SHPRH: variants seen among roughly 807,000 people sequenced by gnomAD.
The protein encoded by SHPRH is SNF2 histone linker PHD RING helicase.
A neutral mutation model predicts 202.5 loss-of-function variants in SHPRH; 106 were observed. The ratio of observed to expected loss-of-function variants is 0.52; its 90% CI spans 0.45 to 0.62. The LOEUF is 0.62. Ranked by LOEUF, SHPRH falls within the 20% of genes least tolerant of loss-of-function variation. The pLI is 0.00. For synonymous variants in SHPRH, 729 were observed against 686.0 expected (o/e 1.06, Z -0.98); for missense variants, 1,710 against 2,020.0 (o/e 0.85, Z 2.94).
At chr6:145,860,983 A>G (rs559964500), downstream of SHPRH, among the ~76,000 whole-genome samples, 1 of 152,224 alleles carries the variant, frequency 6.6e-6, no homozygotes, top group African/African-American at 2.4e-5. Context: ...ACAAAAATTA[A>G]CTCGAAATGG....
intron 1 of SHPRH, among the ~76,000 whole-genome samples, chr6:145,956,139 T>C (rs1265039267): frequency 2.0e-5 from 3 of 151,638 alleles, no homozygotes; most frequent in African/African-American, 7.3e-5. Context: ...AAACAAAGAC[T>C]GAAAAAACAA....
chr6:145,943,150 C>T lies in SHPRH; in HGVS notation c.2231G>A (p.Arg744Gln), dbSNP rs1786975907. The T allele has an allele frequency of 1.3e-6, 2 of 1,589,630 alleles. No individual in the cohort carries two copies. Among genetic ancestry groups the T allele is most frequent in the Non-Finnish European group, 1.7e-6 (2 of 1,166,558 alleles). Reference sequence around the variant, plus strand: ...TAGTCCAAGTGGCCTTACCAAGACTCGAAGAGATGACGACCTCACATGCCT... The same window carrying T: ...TAGTCCAAGTGGCCTTACCAAGACTTGAAGAGATGACGACCTCACATGCCT... ...INRHVRSSSL[R>Q]VLVYQGVKKD... The change falls in exon 9 of 30, where the codon CGA becomes CAA. Residue 744 changes from arginine to glutamine, a missense_variant. This residue lies in a region of SHPRH where 277 missense variants were observed against 363.0 expected (regional missense o/e 0.76). Coordinates refer to ENST00000275233, the MANE Select transcript of SHPRH (RefSeq NM_001042683.3).
intron 11 of SHPRH, chr6:145,935,765 G>A (rs1785998791): frequency 5.0e-6 from 1 of 200,874 alleles, no homozygotes; most frequent in Non-Finnish European, 1.0e-5. Context: ...TACTTGGTAA[G>A]ACATATATAA....
At chr6:145,932,296 A>T (rs1170887527) in intron 14 of SHPRH, among the ~76,000 whole-genome samples, 2 of 152,176 alleles carry the variant, frequency 1.3e-5, no homozygotes, top group Non-Finnish European at 2.9e-5. Flanking sequence ...AGAGTAACAG[A>T]CAATGGATTT....
chr6:145,921,695 A>G (rs1287060350), intron 20 of SHPRH, among the ~76,000 whole-genome samples: 1 of 152,066 alleles, frequency 6.6e-6, no homozygotes, highest in Non-Finnish European at 1.5e-5. Context: ...ATTTTAGAGA[A>G]GTTATATCTG....
chr6:145,938,102 CGT>C (rs1786314513), intron 11 of SHPRH, among the ~76,000 whole-genome samples: 1 of 152,100 alleles, frequency 6.6e-6, no homozygotes, highest in Admixed American at 6.5e-5. Context: ...CAAAAGTTCA[CGT>C]GTTAGAAGCT....
chr6:145,959,220 G>A (rs935612770), intron 1 of SHPRH, among the ~76,000 whole-genome samples: 3 of 152,080 alleles, frequency 2.0e-5, no homozygotes, highest in Non-Finnish European at 4.4e-5. Flanking sequence ...AATGTCCCAG[G>A]CCTTCACATT....
At chr6:145,879,765 T>A (rs896719089) in intron 2 of SHPRH, among the ~76,000 whole-genome samples, 1 of 151,468 alleles carries the variant, frequency 6.6e-6, no homozygotes, top group Non-Finnish European at 1.5e-5. Flanking sequence ...ACAAACATTA[T>A]CTGGGCATGG....
Position 145,943,251 on chromosome 6 carries a change from C to T in SHPRH, c.2130G>A (p.Met710Ile). ...PFYCPHCLVA[M>I]EPVSTRATLI... ...GAGTTGCTCTTGTTGACACTGGTTC[C>T]ATTGCAACAAGGCAGTGGGGGCAGT... Residue 710 changes from methionine to isoleucine, a missense_variant, in exon 9 of 30, where the codon ATG (methionine) becomes ATA (isoleucine). By Grantham distance (10) the Met-to-Ile change is conservative. Around this residue, in one of 8 missense-constraint regions of SHPRH, gnomAD observed 277 missense variants for 363.0 expected, o/e 0.76. Transcript: ENST00000275233. 3 of 1,613,792 alleles carry T rather than the reference C, an allele frequency of 1.9e-6. No homozygotes were observed. The highest frequency in any genetic ancestry group is 2.5e-6 in the Non-Finnish European group (3 of 1,179,898).
downstream of SHPRH, among the ~76,000 whole-genome samples, chr6:145,862,458 C>CAACAAA (rs2128682356): frequency 6.6e-6 from 1 of 151,032 alleles, no homozygotes; most frequent in African/African-American, 2.4e-5. Context: ...AAAACAACAA[C>CAACAAA]AACAAAAAAC....
In SHPRH at chr6:145,926,215, G is replaced by A; in HGVS notation, c.3283C>T (p.Leu1095Phe). ...GIPPTLRDGR[L>F]EEEAKQLREH... is the part of the protein sequence containing the mutation. ...AAAAAAATAATTACCTCTTCCTCAA[G>A]TCGGCCATCACGCAAGGTAGGTGGT... The change falls in exon 16 of 30, where the codon CTT (leucine) becomes TTT (phenylalanine). Residue 1095 changes from leucine to phenylalanine, a missense_variant. Around this residue, in one of 8 missense-constraint regions of SHPRH, gnomAD observed 288 missense variants for 317.8 expected, o/e 0.91. Transcript: ENST00000275233. The A allele has an allele frequency of 6.2e-7, 1 of 1,612,684 alleles. No individual in the cohort carries two copies. The highest frequency in any genetic ancestry group is 1.1e-5 in the South Asian group (1 of 91,034).
chr6:145,919,358 T>G lies in SHPRH; in HGVS notation c.4142A>C (p.Glu1381Ala). The part of the protein sequence containing the change: ...KPNPPVLHII[E>A]PHEVEQNRIK... The stretch of plus-strand genomic sequence containing the variant: ...TTACTTGCCAATTACCTCATGTGGT[T>G]CAATGATATGAAGAACAGGCGGATT... The change falls in exon 22 of 30, where the codon GAA becomes GCA. Residue 1381 changes from glutamate (E) to alanine (A), a missense_variant. Coordinates refer to ENST00000275233, the MANE Select transcript of SHPRH (RefSeq NM_001042683.3). The G allele has an allele frequency of 6.2e-7, 1 of 1,612,976 alleles. No individual in the cohort carries two copies. The highest frequency in any genetic ancestry group is 8.5e-7 in the Non-Finnish European group (1 of 1,179,254).
At chr6:145,921,534 T>C (rs1784428072) in intron 20 of SHPRH, 142 bp from the exon 21 acceptor site, 5 of 727,910 alleles carry the variant, frequency 6.9e-6, no homozygotes, top group Non-Finnish European at 1.0e-5. Context: ...ATCATAAATT[T>C]GGCCAGTTTT....
At chr6:145,919,739 TTA>T (rs1172864496) in intron 21 of SHPRH, among the ~76,000 whole-genome samples, 4 of 152,162 alleles carry the variant, frequency 2.6e-5, no homozygotes, top group African/African-American at 9.6e-5. Context: ...CCAAAAATCT[TTA>T]TAAAGTCCAG....
rs777866734 is a variant in SHPRH at position 145,941,641 on chromosome 6, A to G, written c.2472T>C (p.Val824=). The G allele has an allele frequency of 1.1e-5, 18 of 1,613,770 alleles. No individual in the cohort carries two copies. Among genetic ancestry groups the G allele is most frequent in the East Asian group, 2.2e-5 (1 of 44,868 alleles). Residue 824 remains valine (V), a synonymous_variant, in exon 10 of 30, where the codon GTT becomes GTC. Coordinates refer to ENST00000275233, the MANE Select transcript of SHPRH (RefSeq NM_001042683.3). ...WRICLDEAQM[V]ECPTVKAAEM... ...CTCTCACTTTTACTGTGGGACACTC[A>G]ACCATCTGAGCTTCATCAAGGCAGA...
At chr6:145,927,094 C>T in intron 15 of SHPRH, 95 bp downstream of exon 15, 1 of 1,115,352 alleles carries the variant, frequency 9.0e-7, no homozygotes, top group Non-Finnish European at 1.3e-6. Flanking sequence ...GTGATTATGA[C>T]TGTTTGTTAC....
chr6:145,921,123 A>C (rs985463812), intron 21 of SHPRH, 44 bp downstream of exon 21: 2 of 1,536,518 alleles, frequency 1.3e-6, no homozygotes, highest in African/African-American at 2.8e-5. Flanking sequence ...TGATGTAAAA[A>C]AGAAGAATTT....
At chr6:145,867,019 T>G (rs946305482) in intron 2 of SHPRH, among the ~76,000 whole-genome samples, 1 of 152,198 alleles carries the variant, frequency 6.6e-6, no homozygotes, top group Non-Finnish European at 1.5e-5. Context: ...AGATCTGTAT[T>G]CTATTATTTA....
intron 20 of SHPRH, 148 bp downstream of exon 20, chr6:145,922,138 T>A: frequency 1.5e-6 from 1 of 647,468 alleles, no homozygotes; most frequent in Non-Finnish European, 2.5e-6. Flanking sequence ...TATTAAACAA[T>A]CAAATACCAA....
Sources: allele counts gnomAD v4.1 joint callset (sites outside exome capture counted in the v4.1 genomes callset), GRCh38; gene constraint gnomAD v4.1.1; regional missense constraint gnomAD v4.1.1; transcripts MANE v1.5; gene names NCBI Gene and HGNC (gene_info 2026-07-23, HGNC 2026-07-21).